The following DHTKD1 variants were observed in gnomAD, a reference collection of about 807,000 sequenced individuals.
DHTKD1 encodes the protein dehydrogenase E1 and transketolase domain containing 1, also known as 2-oxoadipate dehydrogenase complex component E1.
DHTKD1 carries 78 observed loss-of-function variants against 101.8 expected under a neutral mutation model. The ratio of observed to expected loss-of-function variants is 0.77; its 90% CI spans 0.64 to 0.93. The LOEUF (loss-of-function observed/expected upper bound fraction) is 0.93, where lower values mean the gene tolerates loss of function less well. DHTKD1 is among the 40% of genes least tolerant of loss of function. The probability of loss-of-function intolerance (pLI) is 0.00; values close to 1 mark genes in which losing one functional copy is unlikely to be tolerated. For missense variants in DHTKD1, 1,223 were observed against 1,161.7 expected, an observed-to-expected ratio of 1.05 and a Z score of -0.77; for synonymous variants, 462 against 450.3, an observed-to-expected ratio of 1.03 and a Z score of -0.33.
In DHTKD1 at chr10:12,107,109, C is replaced by T. The variant is rs947931841; in HGVS notation, c.2047+713C>T. On this transcript the variant is annotated intron_variant, in intron 11 of 16. Transcript: ENST00000263035. This position sits in a 1 kb window ranked among gnomAD's most constrained non-coding sequence, Gnocchi z 4.1. ...GCACGATTCTCCTGCCTCAGCCTCC[C>T]GAGTAGCTGGGACTACATAGGCGCT... Among the ~76,000 whole-genome samples the T allele has an allele frequency of 3.9e-5, 6 of 152,032 alleles. No individual in the cohort carries two copies. Among genetic ancestry groups the T allele is most frequent in the Admixed American group, 2.0e-4 (3 of 15,260 alleles).
At position 12,087,834 on chromosome 10, in the gene DHTKD1, G is replaced by A. The variant is rs1370979018; in HGVS notation, c.717+105G>A. ...ATAAATGATGGTGATGGTGATGGCCGGGCACTGTGGCTCACACCTGCAATC... is the reference window on the plus strand; with the variant it reads ...ATAAATGATGGTGATGGTGATGGCCAGGCACTGTGGCTCACACCTGCAATC... On this transcript the variant is annotated intron_variant, in intron 4 of 16. Transcript: ENST00000263035. The surrounding 1 kb of genome is among the most constrained non-coding windows in gnomAD (Gnocchi z 5.2). 6.7e-6 allele frequency: 7 copies of A among 1,051,940 alleles called. No individual in the cohort carries two copies. The highest frequency in any genetic ancestry group is 9.2e-6 in the Non-Finnish European group (7 of 757,578). The allele number at this position is 1,051,940 out of a possible 1,614,324, so 65.2% of individuals were successfully genotyped here. A position where few individuals can be genotyped will look rare whatever the true frequency, so the allele number is the denominator to read the frequency against.
chr10:12,070,735 G>A (rs1564385735), intron 1 of DHTKD1, among the ~76,000 whole-genome samples: 1 of 152,090 alleles, frequency 6.6e-6, no homozygotes, highest in Non-Finnish European at 1.5e-5. Context: ...GTGATCCACT[G>A]GCCTTGGCCT....
rs1298392128 is a variant in DHTKD1, at chr10:12,087,823, TG to T, written c.717+96del. ...TCATTCTGGTGATAAATGATGGTGA[TG>T]GTGATGGCCGGGCACTGTGGCTCAC... On this transcript the variant is annotated intron_variant, in intron 4 of 16. Coordinates refer to ENST00000263035, the MANE Select transcript of DHTKD1 (RefSeq NM_018706.7). This position sits in a 1 kb window ranked among gnomAD's most constrained non-coding sequence, Gnocchi z 5.2. The T allele has an allele frequency of 3.3e-5, 39 of 1,174,026 alleles. No homozygotes were observed. In the South Asian group the frequency reaches 6.4e-4, roughly 19 times the overall value. The allele number at this position is 1,174,026 out of a possible 1,614,324, so 72.7% of individuals were successfully genotyped here.
intron 15 of DHTKD1, 78 bp from the exon 16 acceptor site, chr10:12,120,104 C>T (rs1157317197): frequency 4.6e-6 from 5 of 1,094,176 alleles, no homozygotes; most frequent in East Asian, 2.4e-5. Context: ...AAAACTCCAT[C>T]GTAGGTGGGA....
At chr10:12,077,015 C>T (rs1206866819) in intron 1 of DHTKD1, among the ~76,000 whole-genome samples, 7 of 137,290 alleles carry the variant, frequency 5.1e-5, no homozygotes, top group African/African-American at 1.3e-4. Context: ...AAGAACAAGT[C>T]GGCAATTTCT....
chr10:12,087,491 C>G lies in DHTKD1; in HGVS notation c.523-44C>G, dbSNP rs767961058. On this transcript the variant is annotated intron_variant, in intron 3 of 16. Transcript: ENST00000263035. This position sits in a 1 kb window ranked among gnomAD's most constrained non-coding sequence, Gnocchi z 5.2. ...ACTTATCTGCCTTCCACTGGAGAAGCTGGCTGTCTCCTGGCAGCTCACGTC... is the reference window on the plus strand; with the variant it reads ...ACTTATCTGCCTTCCACTGGAGAAGGTGGCTGTCTCCTGGCAGCTCACGTC... 4 of 1,522,672 alleles carry G rather than the reference C, an allele frequency of 2.6e-6. No homozygotes were observed. Among genetic ancestry groups the G allele is most frequent in the East Asian group, 4.6e-5 (2 of 43,854 alleles). 94.3% of individuals were successfully genotyped at this position (1,522,672 alleles called of 1,614,324 possible).
intron 12 of DHTKD1, among the ~76,000 whole-genome samples, chr10:12,109,834 T>C (rs1411093414): frequency 6.6e-6 from 1 of 151,896 alleles, no homozygotes; most frequent in Non-Finnish European, 1.5e-5. Flanking sequence ...AGATGAGGCA[T>C]AAGAATGAAC....
intron 13 of DHTKD1, 28 bp from the exon 14 acceptor site, chr10:12,117,645 T>A: frequency 7.2e-7 from 1 of 1,383,152 alleles, no homozygotes; most frequent in Non-Finnish European, 1.0e-6. Flanking sequence ...TGTTGCTTGC[T>A]GGATGTGTGG....
intron 13 of DHTKD1, among the ~76,000 whole-genome samples, chr10:12,114,883 C>T (rs1200209516): frequency 6.6e-6 from 1 of 151,648 alleles, no homozygotes; most frequent in African/African-American, 2.4e-5. Flanking sequence ...GCAAGCTCCG[C>T]CTCCCGGGTT....
At chr10:12,069,279 C>A in intron 1 of DHTKD1, 92 bp downstream of exon 1, 1 of 444,904 alleles carries the variant, frequency 2.2e-6, no homozygotes, top group Non-Finnish European at 3.1e-6. Context: ...GTCGGGGAAC[C>A]GGCTGCCGGC....
chr10:12,103,095 C>T lies in DHTKD1; in HGVS notation c.1896+1914C>T, dbSNP rs1410779261. ...AAAATTAGTCGGGCATGGTGGCACA[C>T]GCCTGTAATCCCAGCTACTCAGGAG... On this transcript the variant is annotated intron_variant, in intron 10 of 16. Transcript: ENST00000263035. This position sits in a 1 kb window ranked among gnomAD's most constrained non-coding sequence, Gnocchi z 4.8. Among the ~76,000 whole-genome samples the T allele has an allele frequency of 2.0e-5, 3 of 152,076 alleles. No homozygotes were observed. The highest frequency in any genetic ancestry group is 2.9e-5 in the Non-Finnish European group (2 of 68,026).
intron 1 of DHTKD1, among the ~76,000 whole-genome samples, chr10:12,077,266 C>A (rs1230281117): frequency 6.7e-6 from 1 of 149,090 alleles, no homozygotes; most frequent in African/African-American, 2.5e-5. Context: ...TCATGCTTGT[C>A]ACCCAGGCTG....
intron 5 of DHTKD1, 120 bp downstream of exon 5, chr10:12,089,375 A>G (rs1832954665): frequency 1.0e-6 from 1 of 1,000,238 alleles, no homozygotes; most frequent in South Asian, 1.6e-5. Flanking sequence ...CCTTTTGGAA[A>G]AAGATTCTGG....
intron 1 of DHTKD1, 115 bp downstream of exon 1, chr10:12,069,302 C>G: frequency 8.2e-6 from 6 of 733,768 alleles, no homozygotes; most frequent in African/African-American, 5.6e-5. Flanking sequence ...GAACGCGCGG[C>G]CGGTGGGGAG....
chr10:12,087,645 C>T lies in DHTKD1; in HGVS notation c.633C>T (p.Tyr211=), dbSNP rs761966438. Residue 211 remains tyrosine (Y), a synonymous_variant, in exon 4 of 17, where the codon TAC becomes TAT. Transcript: ENST00000263035. The surrounding 1 kb of genome is among the most constrained non-coding windows in gnomAD (Gnocchi z 5.2). ...FFHELLKMSA[Y]SGITDVIIGM... ...ACGAGCTGCTGAAAATGTCGGCCTA[C>T]AGCGGGATCACTGATGTCATTATTG... is the stretch of plus-strand genomic sequence containing the variant. 2.5e-6 allele frequency: 4 copies of T among 1,614,056 alleles called. No individual in the cohort carries two copies. Among genetic ancestry groups the T allele is most frequent in the East Asian group, 2.2e-5 (1 of 44,882 alleles).
chr10:12,094,462 A>C (rs185703069), intron 7 of DHTKD1, among the ~76,000 whole-genome samples, 191 bp downstream of exon 7: 160 of 152,168 alleles, frequency 1.1e-3, no homozygotes, highest in Admixed American at 8.8e-3. Flanking sequence ...CAACCTCCCG[A>C]GTAGCTGGGA....
At chr10:12,074,221 G>GAGA (rs1832690707) in intron 1 of DHTKD1, among the ~76,000 whole-genome samples, 1 of 151,886 alleles carries the variant, frequency 6.6e-6, no homozygotes, top group African/African-American at 2.4e-5. Context: ...ACTCTGTGTC[G>GAGA]CCCAGACTGA....
chr10:12,081,359 ATAAAT>A, intron 1 of DHTKD1, 108 bp from the exon 2 acceptor site: 2 of 819,762 alleles, frequency 2.4e-6, no homozygotes, highest in East Asian at 2.5e-5. Context: ...AAATAAATAA[ATAAAT>A]AAAAAGTAAG....
intron 14 of DHTKD1, 32 bp downstream of exon 14, chr10:12,117,787 T>C: frequency 7.8e-7 from 1 of 1,281,330 alleles, no homozygotes; most frequent in Non-Finnish European, 1.1e-6. Flanking sequence ...TCATATTCTG[T>C]GGCAGAATTT....
Sources: gnomAD v4.1 joint callset for allele counts (sites outside exome capture counted in the v4.1 genomes callset) on GRCh38, gnomAD v4.1.1 for gene constraint, Gnocchi (gnomAD v3.1) non-coding constraint, MANE v1.5 for transcripts, NCBI Gene and HGNC (gene_info 2026-07-23, HGNC 2026-07-21) for gene names.